The following FARS2 variants were observed in gnomAD, a reference collection of about 807,000 sequenced individuals.
FARS2 encodes phenylalanyl-tRNA synthetase 2, mitochondrial.
A neutral mutation model predicts 46.4 loss-of-function variants in FARS2; 40 were observed. The observed-to-expected ratio is 0.86, with a 90% CI of 0.67 to 1.12. The LOEUF is 1.12. Among genes scored for constraint, FARS2 ranks in the 50% most tolerant of loss-of-function variants. FARS2 has a pLI of 0.00. For missense variants in FARS2, 513 were observed against 567.9 expected (o/e 0.90, Z 0.98); for synonymous variants, 234 against 214.9 (o/e 1.09, Z -0.78).
chr6:5,538,169 CTG>C (rs1770340794), intron 4 of FARS2, among the ~76,000 whole-genome samples: 1 of 145,998 alleles, frequency 6.8e-6, no homozygotes, highest in African/African-American at 2.5e-5. Flanking sequence ...AAAAAAAATA[CTG>C]CCTTAAAACC....
Position 5,613,456 on chromosome 6 carries a change from C to T in FARS2, c.1217+136C>T. On this transcript the variant is annotated intron_variant, in intron 6 of 6. Transcript: ENST00000274680. The stretch of plus-strand genomic sequence containing the variant: ...TTCTGAATTTGTAGTGAATGTATAG[C>T]TTATCAGAAAACTCTTTGATATCAG... 3 of 623,224 alleles carry T rather than the reference C, an allele frequency of 4.8e-6. 1 individual carries two copies. The South Asian group carries it at 7.8e-5, about 16-fold the overall frequency. The allele number at this position is 623,224 out of a possible 1,614,324, so 38.6% of individuals were successfully genotyped here.
In FARS2 at chr6:5,764,510, A is replaced by G. The variant is rs1263404512; in HGVS notation, c.1218-6781A>G. On this transcript the variant is annotated intron_variant, in intron 6 of 6. Transcript: ENST00000274680. The surrounding 1 kb of genome is among the most constrained non-coding windows in gnomAD (Gnocchi z 4.1). ...GCATCAGACAAGCAGGAGACAGATG[A>G]GGAGTGAGCCGGGGAAACCCAGTGT... 6.6e-6 allele frequency among the ~76,000 whole-genome samples: 1 copy of G among 152,136 alleles called. No homozygotes were observed. The highest frequency in any genetic ancestry group is 1.5e-5 in the Non-Finnish European group (1 of 68,042).
chr6:5,687,005 G>T (rs1757285462), intron 6 of FARS2, among the ~76,000 whole-genome samples: 1 of 152,176 alleles, frequency 6.6e-6, no homozygotes, highest in African/African-American at 2.4e-5. Context: ...GTCTTCTTTT[G>T]AGAAGTATCT....
chr6:5,770,219 T>C (rs545060958), intron 6 of FARS2, among the ~76,000 whole-genome samples: 1 of 152,300 alleles, frequency 6.6e-6, no homozygotes, highest in East Asian at 1.9e-4. Flanking sequence ...AGCCCATTTG[T>C]TCAAGGCCCT....
At chr6:5,637,012 A>T (rs1053204236) in intron 6 of FARS2, among the ~76,000 whole-genome samples, 1 of 152,254 alleles carries the variant, frequency 6.6e-6, no homozygotes, top group Non-Finnish European at 1.5e-5. Context: ...GAGAAGAAGC[A>T]AAGCTCTTTG....
At chr6:5,613,840 G>T (rs114233747) in intron 6 of FARS2, among the ~76,000 whole-genome samples, 1,747 of 152,298 alleles carry the variant, frequency 0.011, 39 homozygotes, top group African/African-American at 0.039. Flanking sequence ...ATGCTATTAT[G>T]AGGGAAAAAT....
At chr6:5,265,026 A>G (rs1449170816) in intron 1 of FARS2, among the ~76,000 whole-genome samples, 2 of 151,184 alleles carry the variant, frequency 1.3e-5, no homozygotes, top group African/African-American at 2.4e-5. Context: ...GGTGGTCTCA[A>G]ACTCCTCAGT....
Position 5,475,486 on chromosome 6 carries a change from T to C in FARS2, c.904+44314T>C, listed in dbSNP as rs184502896. On this transcript the variant is annotated intron_variant, in intron 4 of 6. Coordinates refer to ENST00000274680, the MANE Select transcript of FARS2 (RefSeq NM_006567.5). Reference sequence around the variant, plus strand: ...TAAAAGAGGACAGATGAGAAGACGTTGCATGAAGCATGTGCGTTTCAGACT... The same window carrying C: ...TAAAAGAGGACAGATGAGAAGACGTCGCATGAAGCATGTGCGTTTCAGACT... Among the ~76,000 whole-genome samples the C allele has an allele frequency of 3.2e-4, 49 of 152,288 alleles. No homozygotes were observed. In the East Asian group the frequency reaches 7.7e-3, roughly 24 times the overall value.
chr6:5,704,223 G>A (rs1250646088), intron 6 of FARS2, among the ~76,000 whole-genome samples: 1 of 152,152 alleles, frequency 6.6e-6, no homozygotes, highest in East Asian at 1.9e-4. Flanking sequence ...GTCTGTGAGG[G>A]CCCACCTCTT....
At chr6:5,671,419 C>T (rs1329065000) in intron 6 of FARS2, among the ~76,000 whole-genome samples, 22 of 152,192 alleles carry the variant, frequency 1.4e-4, no homozygotes, top group Admixed American at 1.4e-3. Context: ...GAAGTCTCAG[C>T]GTTGAGCTGG....
intron 4 of FARS2, among the ~76,000 whole-genome samples, chr6:5,454,338 A>AATTTATTTATTT (rs544241504): frequency 6.6e-6 from 1 of 151,346 alleles, no homozygotes; most frequent in African/African-American, 2.4e-5. Flanking sequence ...GTTTTTTTAA[A>AATTTATTTATTT]ATTTATTTAT....
intron 4 of FARS2, among the ~76,000 whole-genome samples, chr6:5,527,271 C>T (rs183370214): frequency 6.2e-4 from 95 of 152,372 alleles, no homozygotes; most frequent in African/African-American, 1.2e-3. Context: ...AGAGGGACTG[C>T]GTTGACCCTG....
intron 6 of FARS2, among the ~76,000 whole-genome samples, chr6:5,737,458 G>A (rs1761026315): frequency 6.6e-6 from 1 of 152,238 alleles, no homozygotes; most frequent in Non-Finnish European, 1.5e-5. Flanking sequence ...TTGAACCCAG[G>A]AGGCGGAAGT....
rs1012200304 is a variant in FARS2 at position 5,447,542 on chromosome 6, A to C, written c.904+16370A>C. Among the ~76,000 whole-genome samples, 47 of 152,174 alleles carry C rather than the reference A, an allele frequency of 3.1e-4. 1 individual carries two copies. The highest frequency in any genetic ancestry group is 8.9e-4 in the African/African-American group (37 of 41,444). The stretch of plus-strand genomic sequence containing the variant: ...CATGGTGGAGACATTTTTAAAGAAC[A>C]TTATCCAGGGAAGTGGAAACTGTTA... On this transcript the variant is annotated intron_variant, in intron 4 of 6. Coordinates refer to ENST00000274680, the MANE Select transcript of FARS2 (RefSeq NM_006567.5).
At chr6:5,370,370 G>A (rs999885488) in intron 2 of FARS2, among the ~76,000 whole-genome samples, 4 of 151,548 alleles carry the variant, frequency 2.6e-5, no homozygotes, top group Admixed American at 1.3e-4. Context: ...TCTCAAATGA[G>A]CATTCTCACT....
chr6:5,655,461 G>A (rs1777564768), intron 6 of FARS2, among the ~76,000 whole-genome samples: 1 of 152,190 alleles, frequency 6.6e-6, no homozygotes, highest in Non-Finnish European at 1.5e-5. Flanking sequence ...CAGATCAGAT[G>A]CCTGAAATCA....
At chr6:5,592,923 C>G (rs1391474065) in intron 5 of FARS2, among the ~76,000 whole-genome samples, 2 of 152,224 alleles carry the variant, frequency 1.3e-5, no homozygotes, top group Admixed American at 6.5e-5. Context: ...ATCCATCACA[C>G]TGGGCCACAC....
At chr6:5,415,019 A>G (rs1343869720) in intron 3 of FARS2, among the ~76,000 whole-genome samples, 1 of 151,620 alleles carries the variant, frequency 6.6e-6, no homozygotes, top group African/African-American at 2.4e-5. Flanking sequence ...GGGTTTCACC[A>G]ACTTGGCCAG....
intron 3 of FARS2, among the ~76,000 whole-genome samples, chr6:5,418,259 A>G (rs59947909): frequency 0.011 from 1,633 of 152,272 alleles, 25 homozygotes; most frequent in African/African-American, 0.037. Flanking sequence ...GTAATTTACT[A>G]TAGGATATTG....
Sources: gnomAD v4.1 joint callset for allele counts (sites outside exome capture counted in the v4.1 genomes callset) on GRCh38, gnomAD v4.1.1 for gene constraint, Gnocchi (gnomAD v3.1) non-coding constraint, MANE v1.5 for transcripts, NCBI Gene and HGNC (gene_info 2026-07-23, HGNC 2026-07-21) for gene names.